Variants in GATA3 observed in about 807,000 individuals in gnomAD.
The protein encoded by GATA3 is trans-acting T-cell-specific transcription factor GATA-3.
A neutral mutation model predicts 36.0 loss-of-function variants in GATA3; 6 were observed. That is an observed-to-expected ratio of 0.17 (90% CI 0.09 to 0.33). The LOEUF (loss-of-function observed/expected upper bound fraction) is 0.33, where lower values mean the gene tolerates loss of function less well. Among genes scored for constraint, GATA3 ranks in the 10% least tolerant of loss-of-function variants. The probability of loss-of-function intolerance (pLI) is 1.00; values close to 1 mark genes in which losing one functional copy is unlikely to be tolerated. For missense variants in GATA3, 514 were observed against 610.1 expected, an observed-to-expected ratio of 0.84 and a Z score of 1.66; for synonymous variants, 326 against 273.0, an observed-to-expected ratio of 1.19 and a Z score of -1.92.
In GATA3 at chr10:8,056,519, G is replaced by A. The variant is rs1588375859; in HGVS notation, c.241+623G>A. On this transcript the variant is annotated intron_variant, in intron 2 of 5. Coordinates refer to ENST00000379328, the MANE Select transcript of GATA3 (RefSeq NM_001002295.2). Reference sequence around the variant, plus strand: ...TCTCTTACCTCCTGGCTTCAGGAATGGAATTCTGATGCTGAAGGGGTTTGG... The same window carrying A: ...TCTCTTACCTCCTGGCTTCAGGAATAGAATTCTGATGCTGAAGGGGTTTGG... 2.0e-5 allele frequency among the ~76,000 whole-genome samples: 3 copies of A among 152,130 alleles called. No individual in the cohort carries two copies. The South Asian group carries it at 6.2e-4, about 31-fold the overall frequency.
rs375000813 is a variant in GATA3 at position 8,058,621 on chromosome 10, C to T, written c.558C>T (p.Tyr186=). 1.2e-5 allele frequency: 19 copies of T among 1,612,428 alleles called. No homozygotes were observed. Among genetic ancestry groups the T allele is most frequent in the African/African-American group, 5.3e-5 (4 of 74,872 alleles). ...ARQDEKECLK[Y]QVPLPDSMKL... is the part of the protein sequence containing the mutation. The stretch of plus-strand genomic sequence containing the variant: ...AGGACGAGAAAGAGTGCCTCAAGTA[C>T]CAGGTGCCCCTGCCCGACAGCATGA... Residue 186 remains tyrosine, a synonymous_variant, in exon 3 of 6, where the codon TAC becomes TAT. Transcript: ENST00000379328.
At chr10:8,064,532 A>T (rs1428716337) in intron 4 of GATA3, among the ~76,000 whole-genome samples, 4 of 152,180 alleles carry the variant, frequency 2.6e-5, no homozygotes, top group Non-Finnish European at 5.9e-5. Flanking sequence ...GACATTTAGT[A>T]TGAGGACGGA....
upstream of GATA3, among the ~76,000 whole-genome samples, chr10:8,050,035 C>G (rs979439187): frequency 1.3e-5 from 2 of 152,220 alleles, no homozygotes; most frequent in African/African-American, 4.8e-5. Context: ...CCTGGCCTGG[C>G]TCAGGTCGCC....
At chr10:8,065,556 C>T (rs188341019) in intron 4 of GATA3, among the ~76,000 whole-genome samples, 166 of 152,158 alleles carry the variant, frequency 1.1e-3, no homozygotes, top group African/African-American at 3.9e-3. Context: ...CGCTCCCAGC[C>T]AAAGAAGGAA....
chr10:8,052,808 A>G (rs1435036624), upstream of GATA3: 1 of 147,280 alleles, frequency 6.8e-6, no homozygotes, highest in East Asian at 2.1e-4. Flanking sequence ...CCCAGGAGAG[A>G]CGAGTGGTCA....
Position 8,074,479 on chromosome 10 carries a change from A to G in GATA3, c.*456A>G, listed in dbSNP as rs114528004. 1.2e-3 allele frequency: 299 copies of G among 239,652 alleles called. 1 individual carries two copies. The highest frequency in any genetic ancestry group is 6.2e-3 in the African/African-American group (281 of 45,670). 14.8% of individuals were successfully genotyped at this position (239,652 alleles called of 1,614,324 possible). A position where few individuals can be genotyped will look rare whatever the true frequency, so the allele number is the denominator to read the frequency against. ...CCAGTTTTGTTTCCTTTCACTGGCC[A>G]CAGTTGTTTGATGCATTAAAAGAAA... On this transcript the variant is annotated 3_prime_UTR_variant, in exon 6 of 6. Coordinates refer to ENST00000379328, the MANE Select transcript of GATA3 (RefSeq NM_001002295.2).
chr10:8,055,737 C>A lies in GATA3; in HGVS notation c.82C>A (p.His28Asn), dbSNP rs202045701. ...CAACGGGCAGCACCCGGACACGCAC[C>A]ACCCGGGCCTCAGCCACTCCTACAT... is the stretch of plus-strand genomic sequence containing the variant. ...VLNGQHPDTH[H>N]PGLSHSYMDA... The change falls in exon 2 of 6, where the codon CAC (histidine) becomes AAC (asparagine). Residue 28 changes from histidine to asparagine, a missense_variant. His to Asn is a moderately conservative substitution (Grantham distance 68). This residue lies in a region of GATA3 where 381 missense variants were observed against 354.3 expected (regional missense o/e 1.08). Coordinates refer to ENST00000379328, the MANE Select transcript of GATA3 (RefSeq NM_001002295.2). This position sits in a 1 kb window ranked among gnomAD's most constrained non-coding sequence, Gnocchi z 5.4. 4.2e-4 allele frequency: 666 copies of A among 1,574,342 alleles called. 1 individual carries two copies. The highest frequency in any genetic ancestry group is 5.4e-4 in the Non-Finnish European group (625 of 1,160,192).
intron 4 of GATA3, among the ~76,000 whole-genome samples, chr10:8,067,768 A>G (rs1832869430): frequency 1.3e-5 from 2 of 152,216 alleles, no homozygotes; most frequent in African/African-American, 2.4e-5. Context: ...CAGTGAGCCG[A>G]GATCGCGCCA....
chr10:8,058,747 G>C lies in GATA3; in HGVS notation c.684G>C (p.Glu228Asp), dbSNP rs962536861. ...PITTYPPYVP[E>D]YSSGLFPPSS... ...CCACCTACCCGCCCTACGTGCCCGA[G>C]TACAGCTCCGGACTCTTCCCCCCCA... is the stretch of plus-strand genomic sequence containing the variant. Residue 228 changes from glutamate to aspartate, a missense_variant, in exon 3 of 6, where the codon GAG becomes GAC. Glu to Asp is a conservative substitution (Grantham distance 45). Transcript: ENST00000379328. 1 of 1,611,852 alleles carries C rather than the reference G, an allele frequency of 6.2e-7. No homozygotes were observed. Among genetic ancestry groups the C allele is most frequent in the African/African-American group, 1.3e-5 (1 of 75,024 alleles).
intron 1 of GATA3, among the ~76,000 whole-genome samples, chr10:8,046,399 G>T (rs997067997): frequency 6.6e-6 from 1 of 152,168 alleles, no homozygotes; most frequent in African/African-American, 2.4e-5. Flanking sequence ...CCTCGGCTTC[G>T]TTCCCATATT....
intron 2 of GATA3, among the ~76,000 whole-genome samples, chr10:8,056,363 G>A (rs536648136): frequency 6.6e-5 from 10 of 152,362 alleles, no homozygotes; most frequent in Admixed American, 6.5e-4. Context: ...TAGGCGGGTG[G>A]GCGGGGTGGA....
upstream of GATA3, among the ~76,000 whole-genome samples, chr10:8,049,575 C>T (rs554050595): frequency 4.3e-4 from 65 of 152,248 alleles, no homozygotes; most frequent in South Asian, 6.2e-4. Flanking sequence ...GTGTGGCCCG[C>T]GCAGCCGGGG....
In GATA3 at chr10:8,058,383, A is replaced by G. The variant is rs1406078511; in HGVS notation, c.320A>G (p.His107Arg). ...LDGGKALGSH[H>R]TASPWNLSPF... ...GGCGGCAAAGCCCTGGGCAGCCACCACACCGCCTCCCCCTGGAATCTCAGC... is the reference window on the plus strand; with the variant it reads ...GGCGGCAAAGCCCTGGGCAGCCACCGCACCGCCTCCCCCTGGAATCTCAGC... Residue 107 changes from histidine to arginine, a missense_variant, in exon 3 of 6, where the codon CAC becomes CGC. Around this residue, in one of 3 missense-constraint regions of GATA3, gnomAD observed 381 missense variants for 354.3 expected, o/e 1.08. Coordinates refer to ENST00000379328, the MANE Select transcript of GATA3 (RefSeq NM_001002295.2). 1 of 1,612,530 alleles carries G rather than the reference A, an allele frequency of 6.2e-7. No individual in the cohort carries two copies. The highest frequency in any genetic ancestry group is 1.3e-5 in the African/African-American group (1 of 74,828).
intron 3 of GATA3, among the ~76,000 whole-genome samples, chr10:8,060,068 G>A (rs1832722100): frequency 1.3e-5 from 2 of 152,330 alleles, no homozygotes; most frequent in Admixed American, 6.5e-5. Context: ...GGAGTACTCT[G>A]GGAGCCCAGT....
chr10:8,054,337 CG>C (rs1186532927), upstream of GATA3, among the ~76,000 whole-genome samples: 2 of 152,210 alleles, frequency 1.3e-5, no homozygotes, highest in African/African-American at 4.8e-5. This position sits in a 1 kb window ranked among gnomAD's most constrained non-coding sequence, Gnocchi z 4.2. Flanking sequence ...CTGGCTGCAC[CG>C]GGACGGAATC....
chr10:8,069,624 C>G (rs2131512555), intron 5 of GATA3, 26 bp downstream of exon 5: 1 of 1,613,798 alleles, frequency 6.2e-7, no homozygotes. Flanking sequence ...TCAGCAAGAA[C>G]AGGGCTCGCT....
At position 8,055,780 on chromosome 10, in the gene GATA3, C is replaced by G; in HGVS notation, c.125C>G (p.Pro42Arg). 6.3e-7 allele frequency: 1 copy of G among 1,592,430 alleles called. No individual in the cohort carries two copies. The highest frequency in any genetic ancestry group is 8.5e-7 in the Non-Finnish European group (1 of 1,169,640). Residue 42 changes from proline to arginine, a missense_variant, in exon 2 of 6, where the codon CCG becomes CGG. Physicochemically the swap from Pro to Arg is moderately radical, Grantham distance 103. Around this residue, in one of 3 missense-constraint regions of GATA3, gnomAD observed 381 missense variants for 354.3 expected, o/e 1.08. Transcript: ENST00000379328. This position sits in a 1 kb window ranked among gnomAD's most constrained non-coding sequence, Gnocchi z 5.4. ...SHSYMDAAQY[P>R]LPEEVDVLFN... is the part of the protein sequence containing the mutation. ...TCCTACATGGACGCGGCGCAGTACC[C>G]GCTGCCGGAGGAGGTGGATGTGCTT...
intron 3 of GATA3, among the ~76,000 whole-genome samples, chr10:8,061,665 G>A (rs79091310): frequency 6.6e-6 from 1 of 152,244 alleles, no homozygotes; most frequent in Non-Finnish European, 1.5e-5. Context: ...AGTGAATCAA[G>A]ACAGAAAATT....
At position 8,058,790 on chromosome 10, in the gene GATA3, TC is replaced by T. The variant is rs2131491163; in HGVS notation, c.732del (p.Thr245ProfsTer21). On this transcript the variant is annotated frameshift_variant, in exon 3 of 6. Transcript: ENST00000379328. LOFTEE classifies it high-confidence loss of function. Reference sequence around the variant, plus strand: ...CCCCCCCAGCAGCCTGCTGGGCGGCTCCCCCACCGGCTTCGGATGCAAGTCC... The same window carrying T: ...CCCCCCCAGCAGCCTGCTGGGCGGCTCCCCACCGGCTTCGGATGCAAGTCC... ...LFPPSSLLGG[S>X]PTGFGCKSRP... 6.2e-7 allele frequency: 1 copy of T among 1,608,358 alleles called. No individual in the cohort carries two copies.
Sources: gnomAD v4.1 joint callset for allele counts (sites outside exome capture counted in the v4.1 genomes callset) on GRCh38, gnomAD v4.1.1 for gene constraint, gnomAD v4.1.1 regional missense constraint, Gnocchi (gnomAD v3.1) non-coding constraint, MANE v1.5 for transcripts, NCBI Gene and HGNC (gene_info 2026-07-23, HGNC 2026-07-21) for gene names.